Variants in CACNA2D2 observed in about 807,000 individuals in gnomAD.
CACNA2D2 encodes calcium voltage-gated channel auxiliary subunit alpha2delta 2, also known as voltage-dependent calcium channel subunit alpha-2/delta-2.
In CACNA2D2, 48 loss-of-function variants were observed where a neutral mutation model predicts 166.4. That is an observed-to-expected ratio of 0.29 (90% CI 0.23 to 0.37). CACNA2D2 has a LOEUF of 0.37. Ranked by LOEUF, CACNA2D2 falls within the 10% of genes least tolerant of loss-of-function variation. The probability of loss-of-function intolerance (pLI) is 1.00; values close to 1 mark genes in which losing one functional copy is unlikely to be tolerated. For missense variants in CACNA2D2, 1,122 were observed against 1,433.0 expected (o/e 0.78, Z 3.50); for synonymous variants, 561 against 573.7 (o/e 0.98, Z 0.32).
At chr3:50,461,616 C>G (rs945262007) in intron 2 of CACNA2D2, among the ~76,000 whole-genome samples, 2 of 151,912 alleles carry the variant, frequency 1.3e-5, no homozygotes, top group Non-Finnish European at 2.9e-5. Flanking sequence ...CAAAAATGAG[C>G]TGGGCGTGGC....
chr3:50,504,184 C>T (rs1213533348), upstream of CACNA2D2: 1 of 152,292 alleles, frequency 6.6e-6, no homozygotes, highest in Non-Finnish European at 1.5e-5. Context: ...CTGGGCACGG[C>T]TGTACGGTTG....
intron 4 of CACNA2D2, among the ~76,000 whole-genome samples, chr3:50,388,930 G>A (rs2106708004): frequency 6.6e-6 from 1 of 152,390 alleles, no homozygotes; most frequent in East Asian, 1.9e-4. Context: ...AACTTCCTGA[G>A]GAATGTAAGG....
At chr3:50,383,217 TGGGGAGCAGG>T (rs1178949233) in intron 6 of CACNA2D2, among the ~76,000 whole-genome samples, 4 of 152,212 alleles carry the variant, frequency 2.6e-5, no homozygotes, top group Non-Finnish European at 5.9e-5. Context: ...GGGCAGCCTG[TGGGGAGCAGG>T]GGGGAGCATC....
In CACNA2D2 at chr3:50,364,520, C is replaced by T; in HGVS notation, c.*146G>A. ...CGCTTTGGGACTCCCCATCCCAAGG[C>T]GCAGACCAGACTCTCAGGGCCTGGC... On this transcript the variant is annotated 3_prime_UTR_variant, in exon 38 of 38. Transcript: ENST00000424201. The T allele has an allele frequency of 9.9e-7, 1 of 1,008,802 alleles. No homozygotes were observed. 62.5% of individuals were successfully genotyped at this position (1,008,802 alleles called of 1,614,324 possible). A position where few individuals can be genotyped will look rare whatever the true frequency, so the allele number is the denominator to read the frequency against.
In CACNA2D2 at chr3:50,365,109, G is replaced by C; in HGVS notation, c.3174C>G (p.Cys1058Trp). 1 of 1,611,976 alleles carries C rather than the reference G, an allele frequency of 6.2e-7. No individual in the cohort carries two copies. The highest frequency in any genetic ancestry group is 8.5e-7 in the Non-Finnish European group (1 of 1,179,668). The stretch of plus-strand genomic sequence containing the variant: ...CCTTCTGCAGCAGCCGGCCAGCCTC[G>C]CACTGGCTGCACAGCGGCTTCTCGG... Reference protein sequence around the residue: ...VVAEKPLCSQCEAGRLLQKET... With the variant: ...VVAEKPLCSQWEAGRLLQKET... The change falls in exon 36 of 38, where the codon TGC becomes TGG. Residue 1058 changes from cysteine (C) to tryptophan (W), a missense_variant. Cys to Trp is a radical substitution (Grantham distance 215, BLOSUM62 -2). Around this residue, in one of 2 missense-constraint regions of CACNA2D2, gnomAD observed 282 missense variants for 266.2 expected, o/e 1.06. Transcript: ENST00000424201. The surrounding 1 kb of genome is among the most constrained non-coding windows in gnomAD (Gnocchi z 4.5).
At chr3:50,474,350 T>C (rs1710221225) in intron 2 of CACNA2D2, among the ~76,000 whole-genome samples, 1 of 152,188 alleles carries the variant, frequency 6.6e-6, no homozygotes, top group African/African-American at 2.4e-5. Flanking sequence ...TCCATTGCTG[T>C]TTTCACCACT....
intron 23 of CACNA2D2, among the ~76,000 whole-genome samples, chr3:50,370,119 G>A (rs587767584): frequency 9.2e-5 from 14 of 152,286 alleles, no homozygotes; most frequent in Admixed American, 7.2e-4. Flanking sequence ...AGCTAGGGCC[G>A]TGAGGCAGCT....
intron 1 of CACNA2D2, among the ~76,000 whole-genome samples, chr3:50,477,664 G>A (rs897484593): frequency 6.6e-6 from 1 of 152,186 alleles, no homozygotes; most frequent in African/African-American, 2.4e-5. Flanking sequence ...TCCAGGAAGG[G>A]CGCACAAAAA....
At chr3:50,434,240 C>A (rs1708204046) in intron 3 of CACNA2D2, 73 bp downstream of exon 3, 3 of 1,018,000 alleles carry the variant, frequency 2.9e-6, no homozygotes, top group Admixed American at 1.8e-5. Flanking sequence ...CAGGACACTG[C>A]CCTCATGGTA....
chr3:50,445,169 T>C (rs1358329157), intron 2 of CACNA2D2, among the ~76,000 whole-genome samples: 2 of 152,204 alleles, frequency 1.3e-5, no homozygotes, highest in Non-Finnish European at 2.9e-5. Flanking sequence ...GCTTGGACGG[T>C]TGGGGCTACC....
intron 3 of CACNA2D2, among the ~76,000 whole-genome samples, chr3:50,420,397 C>T (rs1707493049): frequency 6.6e-6 from 1 of 152,194 alleles, no homozygotes; most frequent in Admixed American, 6.5e-5. Context: ...GGGGGCTCAG[C>T]AGTGGTGCTG....
rs1318869336 is a variant in CACNA2D2 at position 50,446,609 on chromosome 3, G to A, written c.289-12180C>T. Reference sequence around the variant, plus strand: ...CTGCACCAGGGCTATGAAAGTCAGCGGGGTCAGCTGAGTCTCGGGTTCACA... The same window carrying A: ...CTGCACCAGGGCTATGAAAGTCAGCAGGGTCAGCTGAGTCTCGGGTTCACA... On this transcript the variant is annotated intron_variant, in intron 2 of 37. Transcript: ENST00000424201. 6.6e-5 allele frequency among the ~76,000 whole-genome samples: 10 copies of A among 152,200 alleles called. No homozygotes were observed. The South Asian group carries it at 1.0e-3, about 16-fold the overall frequency.
intron 1 of CACNA2D2, among the ~76,000 whole-genome samples, chr3:50,499,209 G>A (rs1698853887): frequency 6.6e-6 from 1 of 152,330 alleles, no homozygotes; most frequent in Admixed American, 6.5e-5. Context: ...TGGAAGGTTC[G>A]GGTGTGAGAC....
Position 50,379,266 on chromosome 3 carries a change from C to T in CACNA2D2, c.1153-67G>A, listed in dbSNP as rs1210900753. The T allele has an allele frequency of 8.8e-6, 13 of 1,477,288 alleles. No homozygotes were observed. The Admixed American group carries it at 2.2e-4, about 25-fold the overall frequency. 91.5% of individuals were successfully genotyped at this position (1,477,288 alleles called of 1,614,324 possible). A position where few individuals can be genotyped will look rare whatever the true frequency, so the allele number is the denominator to read the frequency against. Reference sequence around the variant, plus strand: ...CTGGTCCAGGGGCAGGGCCTCCCTCCCGCAGTGGGCCTGGACCTCTGGCCC... The same window carrying T: ...CTGGTCCAGGGGCAGGGCCTCCCTCTCGCAGTGGGCCTGGACCTCTGGCCC... On this transcript the variant is annotated intron_variant, in intron 11 of 37. Coordinates refer to ENST00000424201, the MANE Select transcript of CACNA2D2 (RefSeq NM_006030.4). The surrounding 1 kb of genome is among the most constrained non-coding windows in gnomAD (Gnocchi z 6.5).
intron 1 of CACNA2D2, among the ~76,000 whole-genome samples, chr3:50,502,801 C>A (rs927744653): frequency 1.3e-5 from 2 of 152,232 alleles, no homozygotes; most frequent in African/African-American, 4.8e-5. Flanking sequence ...GCCGGATTCC[C>A]ACCAGGGAGG....
chr3:50,473,169 C>A (rs1710170760), intron 2 of CACNA2D2, among the ~76,000 whole-genome samples: 2 of 152,228 alleles, frequency 1.3e-5, no homozygotes, highest in South Asian at 4.1e-4. Context: ...GAGGTCTTCA[C>A]AGGGAGTGCC....
At chr3:50,417,245 G>T (rs1428705992) in intron 3 of CACNA2D2, among the ~76,000 whole-genome samples, 2 of 152,114 alleles carry the variant, frequency 1.3e-5, no homozygotes, top group Non-Finnish European at 2.9e-5. Context: ...TGCCATTGTG[G>T]CCCTGGCCCA....
intron 3 of CACNA2D2, among the ~76,000 whole-genome samples, chr3:50,432,377 C>T (rs1299477736): frequency 6.6e-6 from 1 of 152,238 alleles, no homozygotes; most frequent in Non-Finnish European, 1.5e-5. Flanking sequence ...GGCCTGAGGG[C>T]TGTCCCTTCC....
chr3:50,377,479 G>A lies in CACNA2D2; in HGVS notation c.1614C>T (p.Thr538=), dbSNP rs375331798. ...GGGGGATGCTCACCGTGTAGTTGGG[G>A]GTCAGCCTCTTGATGTCATTCAGAG... ...DVALNDIKRL[T]PNYTLGANGY... Residue 538 remains threonine (T), a synonymous_variant, in exon 17 of 38, where the codon ACC becomes ACT. Transcript: ENST00000424201. 270 of 1,612,938 alleles carry A rather than the reference G, an allele frequency of 1.7e-4. No individual in the cohort carries two copies. The highest frequency in any genetic ancestry group is 2.1e-4 in the African/African-American group (16 of 75,032).
Sources: allele counts gnomAD v4.1 joint callset (sites outside exome capture counted in the v4.1 genomes callset), GRCh38; gene constraint gnomAD v4.1.1; regional missense constraint gnomAD v4.1.1; non-coding constraint Gnocchi (gnomAD v3.1); transcripts MANE v1.5; gene names NCBI Gene and HGNC (gene_info 2026-07-23, HGNC 2026-07-21).